Variants in NFIC observed in about 807,000 individuals in gnomAD.
NFIC encodes nuclear factor I C.
A neutral mutation model predicts 54.4 loss-of-function variants in NFIC; 12 were observed. That is an observed-to-expected ratio of 0.22 (90% CI 0.14 to 0.36). The LOEUF is 0.36. Ranked by LOEUF, NFIC falls within the 10% of genes least tolerant of loss-of-function variation. The pLI is 1.00. For synonymous variants in NFIC, 322 were observed against 319.2 expected, an observed-to-expected ratio of 1.01 and a Z score of -0.09; for missense variants, 575 against 718.2, an observed-to-expected ratio of 0.80 and a Z score of 2.28.
chr19:3,456,907 C>G (rs1180732559), intron 10 of NFIC: 16 of 518,858 alleles, frequency 3.1e-5, no homozygotes, highest in Non-Finnish European at 4.6e-5. Flanking sequence ...CGTGGTACAG[C>G]TATGGGACCA....
intron 2 of NFIC, among the ~76,000 whole-genome samples, chr19:3,420,560 T>TAAATAAATAAA (rs2081938148): frequency 7.4e-6 from 1 of 134,572 alleles, no homozygotes; most frequent in Admixed American, 7.0e-5. Context: ...CTCAAAAAAA[T>TAAATAAATAAA]AAATAAATAA....
At position 3,462,946 on chromosome 19, in the gene NFIC, AAAAAC is replaced by A; in HGVS notation, c.*181_*185del. The A allele has an allele frequency of 6.9e-7, 1 of 1,452,554 alleles. No individual in the cohort carries two copies. The highest frequency in any genetic ancestry group is 1.5e-5 in the South Asian group (1 of 67,466). 90.0% of individuals were successfully genotyped at this position (1,452,554 alleles called of 1,614,324 possible). A position where few individuals can be genotyped will look rare whatever the true frequency, so the allele number is the denominator to read the frequency against. On this transcript the variant is annotated 3_prime_UTR_variant, in exon 11 of 11. Transcript: ENST00000443272. ...GACGCACACACTCAGGAGGAAAAGAAAAAACAAAGGCAGAAGAAGAAGAAGAAGAA... is the reference window on the plus strand; with the variant it reads ...GACGCACACACTCAGGAGGAAAAGAAAAAGGCAGAAGAAGAAGAAGAAGAA...
At chr19:3,454,361 G>A (rs974975968) in intron 9 of NFIC, 1 of 779,954 alleles carries the variant, frequency 1.3e-6, no homozygotes. Context: ...CATTTCCAGA[G>A]TTCTGGCTTC....
intron 1 of NFIC, among the ~76,000 whole-genome samples, chr19:3,368,126 G>A (rs1011830759): frequency 2.0e-5 from 3 of 152,144 alleles, no homozygotes; most frequent in Admixed American, 6.6e-5. Flanking sequence ...ACTAGGGTTC[G>A]AGTGGGCACG....
In NFIC at chr19:3,465,804, C is replaced by T. The variant is rs2082710862; in HGVS notation, c.*3035C>T. ...CACCCGCAGCCAGACTCCCCGCTCC[C>T]CACTTTTCATGCAGGCTGGCATACC... On this transcript the variant is annotated 3_prime_UTR_variant, in exon 11 of 11. Coordinates refer to ENST00000443272, the MANE Select transcript of NFIC (RefSeq NM_001245002.2). 1 of 152,312 alleles carries T rather than the reference C, an allele frequency of 6.6e-6. No individual in the cohort carries two copies. 9.4% of individuals were successfully genotyped at this position (152,312 alleles called of 1,614,324 possible). A position where few individuals can be genotyped will look rare whatever the true frequency, so the allele number is the denominator to read the frequency against.
chr19:3,409,884 G>T (rs945354406), intron 2 of NFIC, among the ~76,000 whole-genome samples: 1 of 152,212 alleles, frequency 6.6e-6, no homozygotes, highest in Non-Finnish European at 1.5e-5. Flanking sequence ...AAGAGACCTG[G>T]CTCCCGGCCA....
At chr19:3,364,282 C>T (rs1048889088), upstream of NFIC, among the ~76,000 whole-genome samples, 25 of 152,224 alleles carry the variant, frequency 1.6e-4, no homozygotes, top group Non-Finnish European at 3.1e-4. Flanking sequence ...GAAACTATGA[C>T]GTACAGTTCC....
chr19:3,421,065 C>T (rs2081946876), intron 2 of NFIC, among the ~76,000 whole-genome samples: 1 of 152,176 alleles, frequency 6.6e-6, no homozygotes, highest in African/African-American at 2.4e-5. Context: ...AAACAGCTTC[C>T]AAGAGGGGGT....
intron 1 of NFIC, among the ~76,000 whole-genome samples, 176 bp from the exon 2 acceptor site, chr19:3,381,536 T>G (rs2081207452): frequency 6.6e-6 from 1 of 152,172 alleles, no homozygotes; most frequent in African/African-American, 2.4e-5. Context: ...CCCGGGCCTT[T>G]TGCGTGCCTC....
At chr19:3,385,525 TTTG>T (rs1011397923) in intron 2 of NFIC, among the ~76,000 whole-genome samples, 11 of 152,020 alleles carry the variant, frequency 7.2e-5, no homozygotes, top group Admixed American at 6.6e-4. Context: ...GGTTTGTTTG[TTTG>T]TTATTATTGG....
intron 2 of NFIC, among the ~76,000 whole-genome samples, chr19:3,404,017 A>G (rs1376351367): frequency 1.9e-5 from 1 of 51,738 alleles, no homozygotes; most frequent in South Asian, 6.3e-4. Flanking sequence ...CCACCCCCCC[A>G]GCCCCTGGCC....
In NFIC at chr19:3,435,221, C is replaced by T. The variant is rs1357913045; in HGVS notation, c.958+14C>T. 5.7e-6 allele frequency: 9 copies of T among 1,565,282 alleles called. No individual in the cohort carries two copies. Among genetic ancestry groups the T allele is most frequent in the Admixed American group, 5.4e-5 (3 of 55,564 alleles). On this transcript the variant is annotated intron_variant, in intron 6 of 10. Transcript: ENST00000443272. ...ACATGGAAGGAGGTAGGGCTGGTGG[C>T]GGGGGCGGAGCCGGCCTTCCGGTCT...
chr19:3,451,031 G>C (rs1055230315), intron 7 of NFIC, among the ~76,000 whole-genome samples: 6 of 152,222 alleles, frequency 3.9e-5, no homozygotes, highest in Non-Finnish European at 8.8e-5. Flanking sequence ...AGGCTGTGGA[G>C]ATGAGGGAGT....
intron 4 of NFIC, among the ~76,000 whole-genome samples, 161 bp downstream of exon 4, chr19:3,433,753 G>A (rs570028336): frequency 6.6e-6 from 1 of 152,186 alleles, no homozygotes; most frequent in South Asian, 2.1e-4. Flanking sequence ...GCCCTTCCCA[G>A]AGCCCAAGGT....
intron 2 of NFIC, among the ~76,000 whole-genome samples, chr19:3,383,525 G>A (rs1599583215): frequency 6.6e-6 from 1 of 152,204 alleles, no homozygotes; most frequent in South Asian, 2.1e-4. Context: ...CCTGCCAAAT[G>A]GTGGAGATGA....
chr19:3,389,266 G>A (rs2145497342), intron 2 of NFIC, among the ~76,000 whole-genome samples: 1 of 152,308 alleles, frequency 6.6e-6, no homozygotes, highest in South Asian at 2.1e-4. Context: ...CAACCTGGGA[G>A]TGAGGGACCT....
intron 2 of NFIC, among the ~76,000 whole-genome samples, chr19:3,418,304 C>G (rs1030668640): frequency 2.6e-5 from 4 of 151,916 alleles, no homozygotes; most frequent in Admixed American, 2.6e-4. Flanking sequence ...GCCATGGTGC[C>G]CAGTCTGGTC....
At chr19:3,404,865 C>G (rs2081619527) in intron 2 of NFIC, among the ~76,000 whole-genome samples, 1 of 152,146 alleles carries the variant, frequency 6.6e-6, no homozygotes, top group Non-Finnish European at 1.5e-5. Context: ...GCCGGACACC[C>G]ACAAAGAGTG....
intron 6 of NFIC, among the ~76,000 whole-genome samples, chr19:3,437,783 A>G (rs539985492): frequency 6.6e-6 from 1 of 150,844 alleles, no homozygotes; most frequent in African/African-American, 2.4e-5. Context: ...GGTTCAAGTG[A>G]TTCTCCTGCC....
Sources: gnomAD v4.1 joint callset for allele counts (sites outside exome capture counted in the v4.1 genomes callset) on GRCh38, gnomAD v4.1.1 for gene constraint, MANE v1.5 for transcripts, NCBI Gene and HGNC (gene_info 2026-07-23, HGNC 2026-07-21) for gene names.